ARSB: variants seen among roughly 807,000 people sequenced by gnomAD.
ARSB encodes N-acetylgalactosamine-4-sulfatase.
In ARSB, 41 loss-of-function variants were observed where a neutral mutation model predicts 50.9. The observed-to-expected ratio is 0.81, with a 90% confidence interval of 0.63 to 1.04. The LOEUF is 1.04. Among genes scored for constraint, ARSB ranks in the 50% least tolerant of loss-of-function variants. The pLI is 0.00. For missense variants in ARSB, 672 were observed against 693.3 expected, an observed-to-expected ratio of 0.97 and a Z score of 0.35; for synonymous variants, 269 against 284.8, an observed-to-expected ratio of 0.94 and a Z score of 0.56.
chr5:78,944,678 G>T (rs1384162880), intron 4 of ARSB, among the ~76,000 whole-genome samples: 1 of 152,234 alleles, frequency 6.6e-6, no homozygotes, highest in Non-Finnish European at 1.5e-5. Flanking sequence ...TGAGATGTCA[G>T]TCTGCCCCTA....
At chr5:78,913,608 G>T (rs530773860) in intron 4 of ARSB, among the ~76,000 whole-genome samples, 2 of 152,282 alleles carry the variant, frequency 1.3e-5, no homozygotes, top group East Asian at 3.9e-4. Flanking sequence ...ACAAAAGTGA[G>T]TTAGAGCCTC....
chr5:78,966,754 C>T (rs111947761), intron 2 of ARSB, among the ~76,000 whole-genome samples: 7 of 152,128 alleles, frequency 4.6e-5, no homozygotes, highest in Non-Finnish European at 1.5e-5. Context: ...ACAGCCCATC[C>T]TCTTCCCAGA....
intron 6 of ARSB, among the ~76,000 whole-genome samples, chr5:78,829,862 T>G (rs3846679): frequency 0.043 from 6,525 of 152,346 alleles, 213 homozygotes; most frequent in Middle Eastern, 0.068. Context: ...TATGGTAGAC[T>G]CTTTCAAGAA....
At chr5:78,808,643 C>T (rs1743676558) in intron 6 of ARSB, among the ~76,000 whole-genome samples, 1 of 152,176 alleles carries the variant, frequency 6.6e-6, no homozygotes, top group African/African-American at 2.4e-5. Context: ...CCTCCCCGCA[C>T]ACAGAAGCAC....
rs750720851 is a variant in ARSB, at chr5:78,960,950, GAAA to G, written c.690+3463_690+3465del. 6.4e-4 allele frequency among the ~76,000 whole-genome samples: 97 copies of G among 152,288 alleles called. No individual in the cohort carries two copies. The Middle Eastern group carries it at 0.014, about 21-fold the overall frequency. The stretch of plus-strand genomic sequence containing the variant: ...CACTAGTATGGGGAATTATCCTGCT[GAAA>G]AAGAGAAAGAAGGTTCCTTCTTAAC... On this transcript the variant is annotated intron_variant, in intron 3 of 7. Coordinates refer to ENST00000264914, the MANE Select transcript of ARSB (RefSeq NM_000046.5).
At chr5:78,943,510 A>G (rs1751047762) in intron 4 of ARSB, among the ~76,000 whole-genome samples, 1 of 152,146 alleles carries the variant, frequency 6.6e-6, no homozygotes, top group African/African-American at 2.4e-5. Flanking sequence ...TTGTCTGTAA[A>G]GTATTTTATT....
intron 4 of ARSB, among the ~76,000 whole-genome samples, chr5:78,952,436 A>C (rs1007519202): frequency 5.3e-5 from 8 of 152,108 alleles, no homozygotes; most frequent in African/African-American, 1.9e-4. Flanking sequence ...TCCTAGGCTC[A>C]AGCAATCCTC....
At chr5:78,968,889 G>T in intron 2 of ARSB, 117 bp downstream of exon 2, 2 of 1,215,152 alleles carry the variant, frequency 1.6e-6, no homozygotes, top group Non-Finnish European at 2.4e-6. Flanking sequence ...TTACAGTGCC[G>T]ACTGATTCAC....
intron 4 of ARSB, among the ~76,000 whole-genome samples, chr5:78,910,437 A>T (rs1749257987): frequency 6.6e-6 from 1 of 152,256 alleles, no homozygotes; most frequent in Non-Finnish European, 1.5e-5. Context: ...ATGTTGTATT[A>T]GTCACTGCCC....
intron 5 of ARSB, among the ~76,000 whole-genome samples, chr5:78,877,482 G>C (rs891512256): frequency 4.6e-5 from 7 of 152,044 alleles, no homozygotes; most frequent in African/African-American, 1.7e-4. Context: ...TCTGCCTCCC[G>C]GGTTCAAGCG....
intron 6 of ARSB, among the ~76,000 whole-genome samples, chr5:78,804,559 G>A (rs902322025): frequency 3.3e-5 from 5 of 152,128 alleles, no homozygotes; most frequent in African/African-American, 1.2e-4. Context: ...AGCTCAGAGG[G>A]ATCAGGAGAA....
At chr5:78,870,464 CCATGAT>C (rs1165717564) in intron 5 of ARSB, among the ~76,000 whole-genome samples, 30 of 141,178 alleles carry the variant, frequency 2.1e-4, no homozygotes, top group Non-Finnish European at 1.2e-4. Context: ...AGCTTATCCA[CCATGAT>C]CAAGTGGGCT....
chr5:78,932,369 G>A (rs74316425), intron 4 of ARSB, among the ~76,000 whole-genome samples: 1 of 152,360 alleles, frequency 6.6e-6, no homozygotes, highest in East Asian at 1.9e-4. Context: ...GAGGACAAGT[G>A]TAAGAGACAA....
chr5:78,865,989 C>A (rs910251612), intron 5 of ARSB, among the ~76,000 whole-genome samples: 1 of 152,174 alleles, frequency 6.6e-6, no homozygotes, highest in Non-Finnish European at 1.5e-5. Context: ...CAAACTTTCC[C>A]ACATTTTCCT....
Position 78,954,756 on chromosome 5 carries a change from C to T in ARSB, c.898+539G>A, listed in dbSNP as rs188000657. On this transcript the variant is annotated intron_variant, in intron 4 of 7. Coordinates refer to ENST00000264914, the MANE Select transcript of ARSB (RefSeq NM_000046.5). ...CTGACCTCAGTTGATCCACCCACCT[C>T]GGTCTCCCAAAGTGCTGGGATTACA... Among the ~76,000 whole-genome samples the T allele has an allele frequency of 4.6e-5, 7 of 152,314 alleles. No homozygotes were observed. In the East Asian group the frequency reaches 1.2e-3, roughly 25 times the overall value.
chr5:78,978,305 T>C (rs115615595), intron 1 of ARSB, among the ~76,000 whole-genome samples: 2,204 of 148,076 alleles, frequency 0.015, 59 homozygotes, highest in African/African-American at 0.052. Context: ...TGCTCCAGCC[T>C]GGGCAACAGA....
intron 6 of ARSB, among the ~76,000 whole-genome samples, chr5:78,826,313 G>C (rs1039517610): frequency 2.0e-5 from 3 of 152,064 alleles, no homozygotes; most frequent in Admixed American, 1.3e-4. Context: ...CCAAAGTGCT[G>C]GGATTACAGG....
intron 3 of ARSB, among the ~76,000 whole-genome samples, chr5:78,962,125 C>A (rs1016462276): frequency 6.6e-6 from 1 of 152,130 alleles, no homozygotes; most frequent in Non-Finnish European, 1.5e-5. Context: ...CTGATTCTGA[C>A]TCTCAATAGC....
intron 6 of ARSB, among the ~76,000 whole-genome samples, chr5:78,823,986 T>C (rs1244105955): frequency 2.0e-5 from 3 of 152,220 alleles, no homozygotes; most frequent in East Asian, 1.9e-4. Context: ...GTTTGGGCCA[T>C]AGGGGCAGAT....
Sources: gnomAD v4.1 joint callset for allele counts (sites outside exome capture counted in the v4.1 genomes callset) on GRCh38, gnomAD v4.1.1 for gene constraint, MANE v1.5 for transcripts, NCBI Gene and HGNC (gene_info 2026-07-23, HGNC 2026-07-21) for gene names.